ZNF512: variants seen among roughly 807,000 people sequenced by gnomAD.
ZNF512 encodes the protein zinc finger protein 512.
Under a neutral mutation model 77.5 loss-of-function variants are expected in ZNF512, and 25 were observed. That is an observed-to-expected ratio of 0.32 (90% CI 0.23 to 0.45). The LOEUF is 0.45. ZNF512 is among the 20% of genes least tolerant of loss of function. The pLI is 1.00. For synonymous variants in ZNF512, 246 were observed against 239.9 expected, an observed-to-expected ratio of 1.03 and a Z score of -0.24; for missense variants, 483 against 692.6, an observed-to-expected ratio of 0.70 and a Z score of 3.40.
Position 27,599,672 on chromosome 2 carries a change from C to G in ZNF512, c.367C>G (p.Leu123Val), listed in dbSNP as rs11539165. ...YREFPQKKHK[L>V]YGRKQRPKTQ... The stretch of plus-strand genomic sequence containing the variant: ...AGAATTTCCTCAGAAGAAGCATAAG[C>G]TTTATGGTAAGGCAGTAACTTTGCT... The change falls in exon 4 of 14, where the codon CTT becomes GTT. Residue 123 changes from leucine (L) to valine (V), a missense_variant. Leu to Val is a conservative substitution (Grantham distance 32). Transcript: ENST00000355467. 1 of 1,613,464 alleles carries G rather than the reference C, an allele frequency of 6.2e-7. No individual in the cohort carries two copies. Among genetic ancestry groups the G allele is most frequent in the African/African-American group, 1.3e-5 (1 of 74,910 alleles).
In ZNF512 at chr2:27,598,127, C is replaced by CTCCTTA; in HGVS notation, c.151_156dup (p.Leu52_Ser53dup). The CTCCTTA allele has an allele frequency of 6.2e-7, 1 of 1,614,058 alleles. No homozygotes were observed. The highest frequency in any genetic ancestry group is 8.5e-7 in the Non-Finnish European group (1 of 1,179,936). The stretch of plus-strand genomic sequence containing the variant: ...TCCAGTACACTATCCCTCATGATGA[C>CTCCTTA]TCCTTAAGTGGTTCATCGTCTGCAT... On this transcript the variant is annotated inframe_insertion, in exon 3 of 14. Transcript: ENST00000355467.
intron 1 of ZNF512, 47 bp downstream of exon 1, chr2:27,583,189 A>T: frequency 6.2e-7 from 1 of 1,613,840 alleles, no homozygotes; most frequent in Non-Finnish European, 8.5e-7. Context: ...AGCGCTGTCG[A>T]GCCCGGAACA....
chr2:27,601,231 T>G, intron 6 of ZNF512, 125 bp from the exon 7 acceptor site: 8 of 664,790 alleles, frequency 1.2e-5, no homozygotes, highest in Non-Finnish European at 1.7e-5. Context: ...TCTGGGATTT[T>G]GAGATTTATT....
intron 2 of ZNF512, among the ~76,000 whole-genome samples, chr2:27,592,792 T>A (rs779086251): frequency 1.3e-5 from 2 of 150,398 alleles, no homozygotes; most frequent in Non-Finnish European, 3.0e-5. Context: ...TGCAAGCGAT[T>A]CTTCTGCTTC....
chr2:27,604,394 A>C (rs1006700370), intron 9 of ZNF512, among the ~76,000 whole-genome samples: 1 of 151,846 alleles, frequency 6.6e-6, no homozygotes, highest in East Asian at 1.9e-4. Context: ...ATTTGTTAAG[A>C]TACAATTTAC....
intron 7 of ZNF512, 44 bp from the exon 8 acceptor site, chr2:27,602,419 C>CT (rs1558470602): frequency 8.2e-6 from 13 of 1,581,402 alleles, no homozygotes; most frequent in Non-Finnish European, 1.1e-5. Flanking sequence ...TGTGTCTTAT[C>CT]TTTTCCATGA....
At position 27,603,262 on chromosome 2, in the gene ZNF512, G is replaced by A. The variant is rs200834078; in HGVS notation, c.891G>A (p.Arg297=). 1.2e-6 allele frequency: 2 copies of A among 1,614,036 alleles called. No individual in the cohort carries two copies. The highest frequency in any genetic ancestry group is 1.7e-5 in the Admixed American group (1 of 60,016). The change falls in exon 9 of 14, where the codon AGG becomes AGA. Residue 297 remains arginine (R), a synonymous_variant. Coordinates refer to ENST00000355467, the MANE Select transcript of ZNF512 (RefSeq NM_032434.4). Reference sequence around the variant, plus strand: ...GTCACCACTGTGGAAAACCATATAGGTCGAAGGCTGGACTTGCATATCACC... The same window carrying A: ...GTCACCACTGTGGAAAACCATATAGATCGAAGGCTGGACTTGCATATCACC... The part of the protein sequence containing the change: ...LKCHHCGKPY[R]SKAGLAYHLR...
intron 2 of ZNF512, among the ~76,000 whole-genome samples, chr2:27,595,221 C>T (rs540194508): frequency 8.4e-4 from 128 of 152,072 alleles, no homozygotes; most frequent in Non-Finnish European, 1.5e-3. Flanking sequence ...TAAGTTAAAA[C>T]GTTTGGTATT....
At chr2:27,584,334 A>G (rs888301213) in intron 2 of ZNF512, among the ~76,000 whole-genome samples, 2 of 152,252 alleles carry the variant, frequency 1.3e-5, no homozygotes, top group African/African-American at 4.8e-5. Flanking sequence ...GTATTTTTAA[A>G]CTACTTGTCT....
intron 12 of ZNF512, among the ~76,000 whole-genome samples, chr2:27,616,690 G>T (rs1184850635): frequency 6.6e-6 from 1 of 152,158 alleles, no homozygotes; most frequent in Admixed American, 6.5e-5. Flanking sequence ...CACCTTACAT[G>T]TGCTTACCTG....
At chr2:27,588,498 A>G (rs1484564418) in intron 2 of ZNF512, among the ~76,000 whole-genome samples, 1 of 152,040 alleles carries the variant, frequency 6.6e-6, no homozygotes, top group South Asian at 2.1e-4. Context: ...TTTTCTATTT[A>G]TATACCCAGT....
In ZNF512 at chr2:27,621,138, A is replaced by G; in HGVS notation, c.1396-15A>G. 7.5e-6 allele frequency: 12 copies of G among 1,599,444 alleles called. No individual in the cohort carries two copies. The highest frequency in any genetic ancestry group is 8.5e-6 in the Non-Finnish European group (10 of 1,174,300). On this transcript the variant is annotated splice_polypyrimidine_tract_variant and intron_variant, in intron 13 of 13. Transcript: ENST00000355467. ...ATATTTTCGACTGGATGACATTTCT[A>G]TTTTGCCTCTCTAGGACTGGTTCGT... is the stretch of plus-strand genomic sequence containing the variant.
chr2:27,613,293 T>C (rs996219179), intron 10 of ZNF512, among the ~76,000 whole-genome samples: 9 of 151,894 alleles, frequency 5.9e-5, no homozygotes, highest in Admixed American at 3.9e-4. Context: ...GTCAAGAGAT[T>C]AAGACCATCC....
rs1183920127 is a variant in ZNF512, at chr2:27,593,244, AC to A, written c.90-4822del. On this transcript the variant is annotated intron_variant, in intron 2 of 13. Transcript: ENST00000355467. ...CACACACACACACACACACACACAC[AC>A]AAAAGAATGAGCTGGGTACCGTGGC... Among the ~76,000 whole-genome samples, 72 of 143,762 alleles carry A rather than the reference AC, an allele frequency of 5.0e-4. No individual in the cohort carries two copies. The Middle Eastern group carries it at 0.011, about 22-fold the overall frequency. 94.3% of individuals were successfully genotyped at this position (143,762 alleles called of 152,430 possible). A position where few individuals can be genotyped will look rare whatever the true frequency, so the allele number is the denominator to read the frequency against.
At chr2:27,593,510 C>G (rs1463039367) in intron 2 of ZNF512, among the ~76,000 whole-genome samples, 1 of 151,918 alleles carries the variant, frequency 6.6e-6, no homozygotes, top group Non-Finnish European at 1.5e-5. Context: ...GTTCCAGCTA[C>G]TCGGGTATGG....
At chr2:27,589,956 T>A (rs1241812010) in intron 2 of ZNF512, among the ~76,000 whole-genome samples, 1 of 152,210 alleles carries the variant, frequency 6.6e-6, no homozygotes, top group Non-Finnish European at 1.5e-5. Context: ...TAATAAAAGT[T>A]AAAGTTGATG....
At chr2:27,614,588 G>A (rs1019620468) in intron 10 of ZNF512, among the ~76,000 whole-genome samples, 3 of 151,372 alleles carry the variant, frequency 2.0e-5, no homozygotes, top group Non-Finnish European at 4.4e-5. Flanking sequence ...TGAGGCAGGA[G>A]AATGGCGTGA....
At chr2:27,593,717 C>T (rs769501052) in intron 2 of ZNF512, among the ~76,000 whole-genome samples, 7 of 150,272 alleles carry the variant, frequency 4.7e-5, no homozygotes, top group East Asian at 1.9e-4. Flanking sequence ...TCTGACCAAA[C>T]GTGGGGGATT....
At position 27,607,842 on chromosome 2, in the gene ZNF512, C is replaced by G; in HGVS notation, c.937-3C>G. 2 of 1,613,964 alleles carry G rather than the reference C, an allele frequency of 1.2e-6. No individual in the cohort carries two copies. Among genetic ancestry groups the G allele is most frequent in the Non-Finnish European group, 1.7e-6 (2 of 1,179,930 alleles). Reference sequence around the variant, plus strand: ...TGTGTTTTGCTGTGTCTCATTCTTGCAGATATCCTTCTTTCCAGAGTCAGG... The same window carrying G: ...TGTGTTTTGCTGTGTCTCATTCTTGGAGATATCCTTCTTTCCAGAGTCAGG... On this transcript the variant is annotated splice_region_variant and splice_polypyrimidine_tract_variant and intron_variant, in intron 9 of 13. Transcript: ENST00000355467.
Sources: gnomAD v4.1 joint callset for allele counts (sites outside exome capture counted in the v4.1 genomes callset) on GRCh38, gnomAD v4.1.1 for gene constraint, MANE v1.5 for transcripts, NCBI Gene and HGNC (gene_info 2026-07-23, HGNC 2026-07-21) for gene names.